The following PTPN23 variants were observed in gnomAD, a reference collection of about 807,000 sequenced individuals.
The protein encoded by PTPN23 is tyrosine-protein phosphatase non-receptor type 23.
In PTPN23, 72 loss-of-function variants were observed where a neutral mutation model predicts 156.3. That is an observed-to-expected ratio of 0.46 (90% CI 0.38 to 0.56). The LOEUF is 0.56. Among genes scored for constraint, PTPN23 ranks in the 20% least tolerant of loss-of-function variants. The pLI is 0.00. For missense variants in PTPN23, 1,974 were observed against 2,171.5 expected (o/e 0.91, Z 1.81); for synonymous variants, 957 against 899.6 (o/e 1.06, Z -1.14).
At chr3:47,408,512 C>A (rs1161647275) in intron 15 of PTPN23, 22 bp downstream of exon 15, 2 of 1,598,936 alleles carry the variant, frequency 1.3e-6, no homozygotes, top group Admixed American at 1.7e-5. Flanking sequence ...GCAGAGCAAG[C>A]AGGTGGAAGG....
At chr3:47,403,243 G>A (rs1018463028) in intron 2 of PTPN23, among the ~76,000 whole-genome samples, 4 of 151,856 alleles carry the variant, frequency 2.6e-5, no homozygotes, top group Admixed American at 2.6e-4. Context: ...TAGTAGAGAC[G>A]GGGTTTCACC....
Position 47,410,417 on chromosome 3 carries a change from G to C in PTPN23, c.2619G>C (p.Leu873Phe). 1 of 1,611,998 alleles carries C rather than the reference G, an allele frequency of 6.2e-7. No homozygotes were observed. Among genetic ancestry groups the C allele is most frequent in the Non-Finnish European group, 8.5e-7 (1 of 1,179,430 alleles). Residue 873 changes from leucine (L) to phenylalanine (F), a missense_variant, in exon 20 of 25, where the codon TTG becomes TTC. This residue lies in a region of PTPN23 where 731 missense variants were observed against 669.1 expected (regional missense o/e 1.09). Transcript: ENST00000265562. ...APPPQFSGPE[L>F]AMAVRPATTT... Reference sequence around the variant, plus strand: ...CTCCTCAATTCTCAGGCCCCGAGTTGGCCATGGCGGTTCGGCCAGCCACCA... The same window carrying C: ...CTCCTCAATTCTCAGGCCCCGAGTTCGCCATGGCGGTTCGGCCAGCCACCA...
At position 47,413,284 on chromosome 3, in the gene PTPN23, C is replaced by T. The variant is rs1358185266; in HGVS notation, c.*99C>T. The T allele has an allele frequency of 1.4e-6, 2 of 1,475,248 alleles. No homozygotes were observed. The highest frequency in any genetic ancestry group is 1.4e-5 in the African/African-American group (1 of 71,072). 91.4% of individuals were successfully genotyped at this position (1,475,248 alleles called of 1,614,324 possible). A position where few individuals can be genotyped will look rare whatever the true frequency, so the allele number is the denominator to read the frequency against. On this transcript the variant is annotated 3_prime_UTR_variant, in exon 25 of 25. Transcript: ENST00000265562. ...TTCTCAGTGGGCACAGTCTCTTACT[C>T]CCATTTCTGCTGCCTTTGGCCCTGC...
Position 47,408,817 on chromosome 3 carries a change from G to A in PTPN23, c.1372G>A (p.Asp458Asn). ...CACGGATGTGGAGGCTTCCCTGAAG[G>A]ACATCAGAGATCTGTTGGAGGAGGA... ...VFTDVEASLK[D>N]IRDLLEEDEL... is the part of the protein sequence containing the mutation. The change falls in exon 16 of 25, where the codon GAC (aspartate) becomes AAC (asparagine). Residue 458 changes from aspartate to asparagine, a missense_variant. Physicochemically the swap from Asp to Asn is conservative, Grantham distance 23. Coordinates refer to ENST00000265562, the MANE Select transcript of PTPN23 (RefSeq NM_015466.4). 2 of 1,611,742 alleles carry A rather than the reference G, an allele frequency of 1.2e-6. No homozygotes were observed.
intron 1 of PTPN23, among the ~76,000 whole-genome samples, chr3:47,382,687 T>TTTTTTTTTC: frequency 1.0e-5 from 1 of 98,304 alleles, no homozygotes; most frequent in Non-Finnish European, 2.2e-5. Flanking sequence ...TTTCTTTTTT[T>TTTTTTTTTC]TTTTTTTTTT....
Position 47,408,352 on chromosome 3 carries a change from A to G in PTPN23, c.1192A>G (p.Met398Val), listed in dbSNP as rs781631661. ...CCCTGTTGCTCCCCACAGCCAGTTC[A>G]TGGATTCAATGCAGTTGGATCCCGA... ...EDKNEVLDQFMDSMQLDPETV... is the reference protein window; with the variant it reads ...EDKNEVLDQFVDSMQLDPETV... The change falls in exon 15 of 25, where the codon ATG becomes GTG. Residue 398 changes from methionine to valine, a missense_variant. This residue lies in a region of PTPN23 where 726 missense variants were observed against 929.5 expected (regional missense o/e 0.78). Coordinates refer to ENST00000265562, the MANE Select transcript of PTPN23 (RefSeq NM_015466.4). 6 of 1,613,836 alleles carry G rather than the reference A, an allele frequency of 3.7e-6. No individual in the cohort carries two copies. The highest frequency in any genetic ancestry group is 4.2e-6 in the Non-Finnish European group (5 of 1,179,816).
In PTPN23 at chr3:47,412,485, A is replaced by G. The variant is rs752760620; in HGVS notation, c.4318-29A>G. The G allele has an allele frequency of 2.5e-6, 4 of 1,612,020 alleles. No individual in the cohort carries two copies. In the Admixed American group the frequency reaches 6.7e-5, roughly 27 times the overall value. ...GTCCCAGGGTGACGGGCCCCTGCCCAGCTGACCTGGCCAAATGCACCTGTG... is the reference window on the plus strand; with the variant it reads ...GTCCCAGGGTGACGGGCCCCTGCCCGGCTGACCTGGCCAAATGCACCTGTG... On this transcript the variant is annotated intron_variant, in intron 23 of 24. Coordinates refer to ENST00000265562, the MANE Select transcript of PTPN23 (RefSeq NM_015466.4).
In PTPN23 at chr3:47,413,092, G is replaced by A. The variant is rs747476429; in HGVS notation, c.4818G>A (p.Leu1606=). 13 of 1,612,892 alleles carry A rather than the reference G, an allele frequency of 8.1e-6. No individual in the cohort carries two copies. In the East Asian group the frequency reaches 2.5e-4, roughly 30 times the overall value. The change falls in exon 25 of 25, where the codon CTG becomes CTA. Residue 1606 remains leucine, a synonymous_variant. Coordinates refer to ENST00000265562, the MANE Select transcript of PTPN23 (RefSeq NM_015466.4). The part of the protein sequence containing the change: ...GKQRMSKHNF[L]QAHNGQGLRA... ...AGCGGATGAGCAAGCATAACTTTCT[G>A]CAGGCCCATAACGGGCAAGGGCTGC...
Position 47,412,538 on chromosome 3 carries a change from G to A in PTPN23, c.4342G>A (p.Ala1448Thr), listed in dbSNP as rs1337226858. 1 of 1,613,556 alleles carries A rather than the reference G, an allele frequency of 6.2e-7. No individual in the cohort carries two copies. The highest frequency in any genetic ancestry group is 2.2e-5 in the East Asian group (1 of 44,882). The change falls in exon 24 of 25, where the codon GCA (alanine) becomes ACA (threonine). Residue 1448 changes from alanine to threonine, a missense_variant. This residue lies in a region of PTPN23 where 484 missense variants were observed against 516.0 expected (regional missense o/e 0.94). Transcript: ENST00000265562. ...EKLHLRFCYE[A>T]VVRHVEQVLQ... The stretch of plus-strand genomic sequence containing the variant: ...GCTGCACCTCAGGTTCTGCTATGAG[G>A]CAGTGGTGAGACACGTGGAGCAGGT...
Position 47,407,111 on chromosome 3 carries a change from T to C in PTPN23, c.808-19T>C, listed in dbSNP as rs1389330840. The C allele has an allele frequency of 6.2e-7, 1 of 1,613,768 alleles. No individual in the cohort carries two copies. Among genetic ancestry groups the C allele is most frequent in the Non-Finnish European group, 8.5e-7 (1 of 1,179,850 alleles). ...CAAGCAGAGGAGGACAGAGCAGGCTTTCCTGCCACCCTCCACAGGTTGCAT... is the reference window on the plus strand; with the variant it reads ...CAAGCAGAGGAGGACAGAGCAGGCTCTCCTGCCACCCTCCACAGGTTGCAT... On this transcript the variant is annotated intron_variant, in intron 9 of 24. Transcript: ENST00000265562. The surrounding 1 kb of genome is among the most constrained non-coding windows in gnomAD (Gnocchi z 4.0).
At position 47,409,278 on chromosome 3, in the gene PTPN23, C is replaced by T; in HGVS notation, c.1758C>T (p.Ile586=). The change falls in exon 17 of 25, where the codon ATC becomes ATT. Residue 586 remains isoleucine, a synonymous_variant. Coordinates refer to ENST00000265562, the MANE Select transcript of PTPN23 (RefSeq NM_015466.4). ...GTGAGCTTATCCAGAAAGATGACAT[C>T]ACTGCCTCGCTGGTCACCACAGACC... is the stretch of plus-strand genomic sequence containing the variant. ...QLRELIQKDD[I]TASLVTTDHS... is the part of the protein sequence containing the mutation. 6.2e-7 allele frequency: 1 copy of T among 1,614,140 alleles called. No homozygotes were observed. The highest frequency in any genetic ancestry group is 8.5e-7 in the Non-Finnish European group (1 of 1,180,042).
chr3:47,406,816 CG>C lies in PTPN23; in HGVS notation c.807+67del. The C allele has an allele frequency of 6.3e-7, 1 of 1,586,202 alleles. No individual in the cohort carries two copies. The highest frequency in any genetic ancestry group is 1.7e-5 in the Admixed American group (1 of 57,634). Reference sequence around the variant, plus strand: ...CTTCAGTGAGATGCCGGTGTGCTCCCGCTCCTTACACACCAGGGGGTGGCCT... The same window carrying C: ...CTTCAGTGAGATGCCGGTGTGCTCCCCTCCTTACACACCAGGGGGTGGCCT... On this transcript the variant is annotated intron_variant, in intron 9 of 24. Transcript: ENST00000265562. This position sits in a 1 kb window ranked among gnomAD's most constrained non-coding sequence, Gnocchi z 5.8.
chr3:47,382,354 T>C (rs1704561884), intron 1 of PTPN23, among the ~76,000 whole-genome samples: 1 of 150,200 alleles, frequency 6.7e-6, no homozygotes, highest in South Asian at 2.1e-4. Context: ...GGAGTTTCGC[T>C]CTTGTTGCCC....
Position 47,407,019 on chromosome 3 carries a change from G to A in PTPN23, c.808-111G>A. The A allele has an allele frequency of 1.4e-6, 2 of 1,414,684 alleles. No homozygotes were observed. The highest frequency in any genetic ancestry group is 9.8e-7 in the Non-Finnish European group (1 of 1,018,972). 87.6% of individuals were successfully genotyped at this position (1,414,684 alleles called of 1,614,324 possible). On this transcript the variant is annotated intron_variant, in intron 9 of 24. Transcript: ENST00000265562. This position sits in a 1 kb window ranked among gnomAD's most constrained non-coding sequence, Gnocchi z 4.0. ...CTGTTGGCTGGGGTGGTGCCCGGCT[G>A]CCTCCTGAGCTGCTTGTCATCTGAT...
Position 47,410,442 on chromosome 3 carries a change from A to G in PTPN23, c.2644A>G (p.Thr882Ala). The change falls in exon 20 of 25, where the codon ACC becomes GCC. Residue 882 changes from threonine (T) to alanine (A), a missense_variant. By Grantham distance (58) the Thr-to-Ala change is moderately conservative. Around this residue, in one of 4 missense-constraint regions of PTPN23, gnomAD observed 731 missense variants for 669.1 expected, o/e 1.09. Transcript: ENST00000265562. ...ELAMAVRPATTTVDSIQAPIP... is the reference protein window; with the variant it reads ...ELAMAVRPATATVDSIQAPIP... ...GGCCATGGCGGTTCGGCCAGCCACCACCACAGTAGATAGCATCCAGGCGCC... is the reference window on the plus strand; with the variant it reads ...GGCCATGGCGGTTCGGCCAGCCACCGCCACAGTAGATAGCATCCAGGCGCC... 1 of 1,611,302 alleles carries G rather than the reference A, an allele frequency of 6.2e-7. No individual in the cohort carries two copies.
Position 47,411,779 on chromosome 3 carries a change from T to A in PTPN23, c.3889-4T>A, listed in dbSNP as rs1312571982. On this transcript the variant is annotated splice_polypyrimidine_tract_variant and splice_region_variant and intron_variant, in intron 20 of 24. Coordinates refer to ENST00000265562, the MANE Select transcript of PTPN23 (RefSeq NM_015466.4). This position sits in a 1 kb window ranked among gnomAD's most constrained non-coding sequence, Gnocchi z 6.3. The stretch of plus-strand genomic sequence containing the variant: ...AGGTCTGTCTTGGCTTATCTGTCCC[T>A]CAGCAAAAAGTGGCACGCTACTTCC... 2 of 1,602,722 alleles carry A rather than the reference T, an allele frequency of 1.2e-6. No homozygotes were observed. The highest frequency in any genetic ancestry group is 4.5e-5 in the East Asian group (2 of 44,694).
intron 1 of PTPN23, among the ~76,000 whole-genome samples, chr3:47,385,586 G>T (rs1704636885): frequency 6.6e-6 from 1 of 152,160 alleles, no homozygotes; most frequent in African/African-American, 2.4e-5. Context: ...GCTGAGGTGG[G>T]AGGATCACTT....
At chr3:47,383,836 A>G (rs546995985) in intron 1 of PTPN23, among the ~76,000 whole-genome samples, 1 of 152,260 alleles carries the variant, frequency 6.6e-6, no homozygotes, top group South Asian at 2.1e-4. Flanking sequence ...AATTACTCCT[A>G]TAGACACTGG....
intron 2 of PTPN23, among the ~76,000 whole-genome samples, chr3:47,400,526 AT>A (rs1202542279): frequency 6.6e-6 from 1 of 152,230 alleles, no homozygotes; most frequent in African/African-American, 2.4e-5. Context: ...GACTGCTTCC[AT>A]TGTTTCCCAA....
Sources: gnomAD v4.1 joint callset for allele counts (sites outside exome capture counted in the v4.1 genomes callset) on GRCh38, gnomAD v4.1.1 for gene constraint, gnomAD v4.1.1 regional missense constraint, Gnocchi (gnomAD v3.1) non-coding constraint, MANE v1.5 for transcripts, NCBI Gene and HGNC (gene_info 2026-07-23, HGNC 2026-07-21) for gene names.